Variants in DOCK10 observed in about 807,000 individuals in gnomAD.
DOCK10 encodes dedicator of cytokinesis protein 10.
A neutral mutation model predicts 280.1 loss-of-function variants in DOCK10; 145 were observed. The observed-to-expected ratio is 0.52, with a 90% confidence interval of 0.45 to 0.59. DOCK10 has a LOEUF of 0.59. Ranked by LOEUF, DOCK10 falls within the 20% of genes least tolerant of loss-of-function variation. DOCK10 has a pLI of 0.00. For missense variants in DOCK10, 2,368 were observed against 2,651.7 expected (o/e 0.89, Z 2.35); for synonymous variants, 915 against 942.2 (o/e 0.97, Z 0.53).
At chr2:224,976,904 T>C (rs935796048) in intron 1 of DOCK10, among the ~76,000 whole-genome samples, 2 of 152,212 alleles carry the variant, frequency 1.3e-5, no homozygotes, top group African/African-American at 4.8e-5. Context: ...TCAAGCACTG[T>C]ATGGCTGCAG....
chr2:224,971,253 C>T (rs763011122), intron 1 of DOCK10, among the ~76,000 whole-genome samples: 1 of 151,974 alleles, frequency 6.6e-6, no homozygotes, highest in South Asian at 2.1e-4. Flanking sequence ...GATCCCAGAC[C>T]TGAGTCAACA....
At chr2:224,969,754 C>T (rs1704981725) in intron 1 of DOCK10, among the ~76,000 whole-genome samples, 2 of 152,160 alleles carry the variant, frequency 1.3e-5, no homozygotes, top group Admixed American at 1.3e-4. Context: ...TATGAAAGAA[C>T]CAACATCTTT....
At chr2:224,875,455 CTT>C (rs1698564765) in intron 8 of DOCK10, among the ~76,000 whole-genome samples, 1 of 152,140 alleles carries the variant, frequency 6.6e-6, no homozygotes, top group South Asian at 2.1e-4. Context: ...CTTTTCTAAC[CTT>C]TTCACCTTTT....
intron 1 of DOCK10, among the ~76,000 whole-genome samples, chr2:225,035,567 T>TG (rs1323655415): frequency 2.3e-3 from 123 of 53,622 alleles, no homozygotes; most frequent in African/African-American, 5.5e-3. Context: ...TATATATATA[T>TG]ATATATATAT....
chr2:224,841,935 C>T lies in DOCK10; in HGVS notation c.2569-39G>A, dbSNP rs971036871. 5 of 1,451,878 alleles carry T rather than the reference C, an allele frequency of 3.4e-6. 1 individual carries two copies. The highest frequency in any genetic ancestry group is 1.7e-5 in the Admixed American group (1 of 59,714). 89.9% of individuals were successfully genotyped at this position (1,451,878 alleles called of 1,614,324 possible). A position where few individuals can be genotyped will look rare whatever the true frequency, so the allele number is the denominator to read the frequency against. ...AAAAAAGTATTTATTTCTGATGACACGTAAACCGTGTTACAAACACAAACC... is the reference window on the plus strand; with the variant it reads ...AAAAAAGTATTTATTTCTGATGACATGTAAACCGTGTTACAAACACAAACC... On this transcript the variant is annotated intron_variant, in intron 22 of 55. Coordinates refer to ENST00000258390, the MANE Select transcript of DOCK10 (RefSeq NM_014689.3).
chr2:224,962,129 C>T (rs767259913), intron 1 of DOCK10, among the ~76,000 whole-genome samples: 7 of 152,142 alleles, frequency 4.6e-5, no homozygotes, highest in Non-Finnish European at 8.8e-5. Flanking sequence ...TGAAATGAAC[C>T]CCAGCCAAAT....
chr2:225,006,466 T>C (rs774566616), intron 1 of DOCK10, among the ~76,000 whole-genome samples: 1 of 152,182 alleles, frequency 6.6e-6, no homozygotes, highest in Non-Finnish European at 1.5e-5. Context: ...CCCATTTATG[T>C]TTTAGCCCCT....
chr2:224,860,344 T>C (rs1221907291), intron 14 of DOCK10, among the ~76,000 whole-genome samples: 1 of 152,222 alleles, frequency 6.6e-6, no homozygotes, highest in Admixed American at 6.5e-5. Context: ...CTTGGTGAGA[T>C]AGATATGATC....
chr2:224,797,229 A>T, intron 42 of DOCK10, 83 bp from the exon 43 acceptor site: 1 of 1,065,690 alleles, frequency 9.4e-7, no homozygotes, highest in Non-Finnish European at 1.3e-6. Context: ...ATTCCCTAAA[A>T]CAAAATCCCT....
At chr2:224,825,516 A>C (rs1444353564) in intron 27 of DOCK10, among the ~76,000 whole-genome samples, 1 of 152,206 alleles carries the variant, frequency 6.6e-6, no homozygotes, top group Admixed American at 6.5e-5. Flanking sequence ...AAAGAATCAA[A>C]GCACACTTTT....
intron 1 of DOCK10, among the ~76,000 whole-genome samples, chr2:224,939,935 T>C (rs779174148): frequency 3.9e-5 from 6 of 152,322 alleles, no homozygotes; most frequent in Middle Eastern, 3.4e-3. Context: ...TTTTGGCCTA[T>C]GTGGCACTCA....
intron 1 of DOCK10, among the ~76,000 whole-genome samples, chr2:225,035,551 TATATATATATATATATATATA>T (rs1690209694): frequency 3.1e-5 from 1 of 32,416 alleles, no homozygotes; most frequent in Admixed American, 3.2e-4. Flanking sequence ...ATTATATATA[TATATATATATATATATATATA>T]TATATATATA....
chr2:224,898,694 C>A (rs868392160), intron 3 of DOCK10, among the ~76,000 whole-genome samples: 1 of 152,158 alleles, frequency 6.6e-6, no homozygotes, highest in East Asian at 1.9e-4. Context: ...CTCCTGCCTC[C>A]GCCTCCGGAG....
intron 4 of DOCK10, among the ~76,000 whole-genome samples, chr2:224,886,750 A>G (rs1333935618): frequency 6.6e-6 from 1 of 152,072 alleles, no homozygotes; most frequent in Non-Finnish European, 1.5e-5. Flanking sequence ...TAAACCATGG[A>G]GTTACTAATT....
Position 224,805,451 on chromosome 2 carries a change from C to T in DOCK10, c.3893G>A (p.Ser1298Asn). The change falls in exon 35 of 56, where the codon AGT (serine) becomes AAT (asparagine). Residue 1298 changes from serine to asparagine, a missense_variant. Physicochemically the swap from Ser to Asn is conservative, Grantham distance 46 (BLOSUM62 1). Transcript: ENST00000258390. This position sits in a 1 kb window ranked among gnomAD's most constrained non-coding sequence, Gnocchi z 4.3. ...CTTCTCACTGCTCTTCTCATTGGTA[C>T]TTGGATTGGAGTCAAGACTTGCTAA... ...ASLASLDSNP[S>N]TNEKSSEKTD... is the part of the protein sequence containing the mutation. 6.2e-7 allele frequency: 1 copy of T among 1,612,732 alleles called. No homozygotes were observed. Among genetic ancestry groups the T allele is most frequent in the East Asian group, 2.2e-5 (1 of 44,854 alleles).
chr2:224,842,229 T>C (rs1696012928), intron 22 of DOCK10, among the ~76,000 whole-genome samples: 1 of 152,252 alleles, frequency 6.6e-6, no homozygotes, highest in Admixed American at 6.5e-5. Flanking sequence ...CACTCCTGCT[T>C]CTTCCATAGA....
rs921016535 is a variant in DOCK10 at position 224,850,271 on chromosome 2, A to G, written c.2143-672T>C. ...TGCAGTAAATCTCTGTACTTTCACTATTTTCTGAGTCATCCTTGAAATCCT... is the reference window on the plus strand; with the variant it reads ...TGCAGTAAATCTCTGTACTTTCACTGTTTTCTGAGTCATCCTTGAAATCCT... On this transcript the variant is annotated intron_variant, in intron 18 of 55. Transcript: ENST00000258390. Among the ~76,000 whole-genome samples, 5 of 152,080 alleles carry G rather than the reference A, an allele frequency of 3.3e-5. No homozygotes were observed. The East Asian group carries it at 7.7e-4, about 23-fold the overall frequency.
chr2:224,870,585 CA>C (rs1351224667), intron 11 of DOCK10, among the ~76,000 whole-genome samples: 1 of 152,090 alleles, frequency 6.6e-6, no homozygotes, highest in East Asian at 1.9e-4. Flanking sequence ...CATAGCTACC[CA>C]TTTGCTCTTG....
chr2:224,868,678 T>G (rs1427365821), intron 11 of DOCK10, among the ~76,000 whole-genome samples: 7 of 152,186 alleles, frequency 4.6e-5, no homozygotes, highest in Non-Finnish European at 7.4e-5. Flanking sequence ...GCTCCCTTAC[T>G]GTTAGAAAAA....
Sources: gnomAD v4.1 joint callset for allele counts (sites outside exome capture counted in the v4.1 genomes callset) on GRCh38, gnomAD v4.1.1 for gene constraint, Gnocchi (gnomAD v3.1) non-coding constraint, MANE v1.5 for transcripts, NCBI Gene and HGNC (gene_info 2026-07-23, HGNC 2026-07-21) for gene names.